PALM2AKAP2: variants seen among roughly 807,000 people sequenced by gnomAD.
PALM2AKAP2 encodes PALM2 and AKAP2 fusion.
In PALM2AKAP2, 37 loss-of-function variants were observed where a neutral mutation model predicts 71.5. The ratio of observed to expected loss-of-function variants is 0.52; its 90% CI spans 0.40 to 0.68. PALM2AKAP2 has a LOEUF of 0.68. Ranked by LOEUF, PALM2AKAP2 falls within the 30% of genes least tolerant of loss-of-function variation. The pLI is 0.00. For synonymous variants in PALM2AKAP2, 468 were observed against 478.8 expected, an observed-to-expected ratio of 0.98 and a Z score of 0.29; for missense variants, 1,224 against 1,191.8, an observed-to-expected ratio of 1.03 and a Z score of -0.40.
chr9:110,085,646 A>G (rs1262528206), intron 1 of PALM2AKAP2, among the ~76,000 whole-genome samples: 2 of 152,268 alleles, frequency 1.3e-5, no homozygotes, highest in Non-Finnish European at 2.9e-5. Flanking sequence ...AGTGCACAAA[A>G]TTTATATGAA....
rs971715133 is a variant in PALM2AKAP2 at position 109,749,316 on chromosome 9, C to T, written c.6-31172C>T. 3.3e-5 allele frequency among the ~76,000 whole-genome samples: 5 copies of T among 152,110 alleles called. No individual in the cohort carries two copies. In the South Asian group the frequency reaches 6.2e-4, roughly 19 times the overall value. On this transcript the variant is annotated intron_variant, in intron 1 of 6. Coordinates refer to the PALM2AKAP2 transcript ENST00000374531. ...GACTATTGAAATTAGTCACGCGCCC[C>T]ACCATATTAGAACCACTTTCCTGGG...
Position 109,845,073 on chromosome 9 carries a change from C to T in PALM2AKAP2, c.46-22418C>T, listed in dbSNP as rs932944889. 2.0e-5 allele frequency among the ~76,000 whole-genome samples: 3 copies of T among 152,150 alleles called. No homozygotes were observed. The East Asian group carries it at 5.8e-4, about 29-fold the overall frequency. ...AAATAACCAATTTACACCTTAAACA[C>T]TCTTCTCCAGTAAGGCCACTACAGC... is the stretch of plus-strand genomic sequence containing the variant. On this transcript the variant is annotated intron_variant, in intron 1 of 9. Coordinates refer to the PALM2AKAP2 transcript ENST00000302798.
chr9:110,170,727 T>A (rs897435817), exon 4 of PALM2AKAP2: 2 of 152,146 alleles, frequency 1.3e-5, no homozygotes, highest in African/African-American at 2.4e-5. Flanking sequence ...GAGACTAAAA[T>A]TCTCAGGAAA....
intron 6 of PALM2AKAP2, among the ~76,000 whole-genome samples, chr9:109,966,400 C>T (rs1831951633): frequency 1.3e-5 from 2 of 152,206 alleles, no homozygotes; most frequent in Admixed American, 1.3e-4. Context: ...ACCCTGGAGC[C>T]AGGTACCCTG....
At chr9:110,007,202 A>C (rs1258194317) in intron 6 of PALM2AKAP2, among the ~76,000 whole-genome samples, 1 of 152,216 alleles carries the variant, frequency 6.6e-6, no homozygotes, top group Non-Finnish European at 1.5e-5. Flanking sequence ...GGTCAAACTG[A>C]GGCCATCAGG....
intron 3 of PALM2AKAP2, among the ~76,000 whole-genome samples, chr9:109,888,893 T>C (rs994269809): frequency 6.6e-6 from 1 of 152,138 alleles, no homozygotes; most frequent in African/African-American, 2.4e-5. Flanking sequence ...CCTAGTGGCT[T>C]CCAGGGGCAC....
rs149583327 is a variant in PALM2AKAP2, at chr9:110,037,576, C to T, written c.582+21537C>T. Among the ~76,000 whole-genome samples the T allele has an allele frequency of 3.0e-3, 451 of 152,248 alleles. 4 individuals are homozygous for T. The highest frequency in any genetic ancestry group is 4.2e-3 in the Admixed American group (64 of 15,286). ...GGCATCTAGAAATTAACAAAAGAGA[C>T]CAGGTCTTGTACTTATGTAGATTAC... On this transcript the variant is annotated intron_variant, in intron 7 of 9. Transcript: ENST00000302798.
chr9:110,132,088 A>G (rs1230296728), intron 1 of PALM2AKAP2, among the ~76,000 whole-genome samples: 1 of 150,404 alleles, frequency 6.6e-6, no homozygotes, highest in African/African-American at 2.5e-5. Flanking sequence ...TTTCACTCTT[A>G]TTGACCAGGC....
At chr9:109,845,170 C>T (rs1367759205) in intron 1 of PALM2AKAP2, among the ~76,000 whole-genome samples, 1 of 152,220 alleles carries the variant, frequency 6.6e-6, no homozygotes. Context: ...AAAAGAGGCA[C>T]TGACCTGAAA....
chr9:109,923,663 G>A, intron 3 of PALM2AKAP2, 72 bp from the exon 4 acceptor site: 6 of 1,474,766 alleles, frequency 4.1e-6, no homozygotes, highest in Non-Finnish European at 5.4e-6. Flanking sequence ...CGCCCAACAG[G>A]AAGGAGCTGC....
intron 1 of PALM2AKAP2, among the ~76,000 whole-genome samples, chr9:109,698,259 G>T (rs1828001601): frequency 6.6e-6 from 1 of 150,416 alleles, no homozygotes; most frequent in Non-Finnish European, 1.5e-5. Flanking sequence ...CCCTTCACCT[G>T]CATGTGTGCT....
intron 1 of PALM2AKAP2, among the ~76,000 whole-genome samples, chr9:109,819,384 C>T (rs1174535283): frequency 4.6e-5 from 7 of 152,136 alleles, no homozygotes; most frequent in African/African-American, 9.7e-5. Flanking sequence ...AAATTGATTC[C>T]GGAAGGACTT....
intron 1 of PALM2AKAP2, among the ~76,000 whole-genome samples, chr9:109,790,543 A>G (rs989172295): frequency 6.6e-6 from 1 of 152,192 alleles, no homozygotes; most frequent in African/African-American, 2.4e-5. Flanking sequence ...CTTTGAGGCC[A>G]ATAAATACCA....
intron 6 of PALM2AKAP2, among the ~76,000 whole-genome samples, chr9:109,963,643 C>T (rs1357264227): frequency 1.3e-5 from 2 of 152,196 alleles, no homozygotes; most frequent in East Asian, 3.9e-4. Context: ...ACACTCTTTT[C>T]TAAGGGGTGA....
chr9:110,023,233 A>G (rs1170310145), intron 7 of PALM2AKAP2, among the ~76,000 whole-genome samples: 2 of 149,636 alleles, frequency 1.3e-5, no homozygotes, highest in East Asian at 4.0e-4. Context: ...CATCCTCTCC[A>G]GCACCTGTTT....
rs568677039 is a variant in PALM2AKAP2, at chr9:109,721,165, G to A, written c.6-59323G>A. On this transcript the variant is annotated intron_variant, in intron 1 of 6. Transcript: ENST00000374531. The stretch of plus-strand genomic sequence containing the variant: ...TGAATTACAGGATTCTAGCCAAAGT[G>A]TGCTCCCTAGAGGATTCCCAGCTAA... Among the ~76,000 whole-genome samples the A allele has an allele frequency of 6.4e-4, 98 of 152,296 alleles. 1 individual carries two copies. Among genetic ancestry groups the A allele is most frequent in the South Asian group, 6.0e-3 (29 of 4,830 alleles).
chr9:110,110,542 CTTTTTT>C (rs559402514), intron 1 of PALM2AKAP2, among the ~76,000 whole-genome samples: 6 of 95,336 alleles, frequency 6.3e-5, no homozygotes, highest in South Asian at 4.3e-4. Context: ...TTTCTGAACT[CTTTTTT>C]TTTTTTTTTT....
chr9:110,121,667 CTG>C (rs1835489822), intron 1 of PALM2AKAP2, among the ~76,000 whole-genome samples: 1 of 152,202 alleles, frequency 6.6e-6, no homozygotes, highest in African/African-American at 2.4e-5. Context: ...TGACTGGTGA[CTG>C]TCACAAATGG....
intron 1 of PALM2AKAP2, among the ~76,000 whole-genome samples, chr9:110,073,854 C>T (rs1334988084): frequency 6.6e-6 from 1 of 152,034 alleles, no homozygotes; most frequent in Non-Finnish European, 1.5e-5. Context: ...TTGATTGCTA[C>T]TTAGTATACC....
Sources: allele counts gnomAD v4.1 joint callset (sites outside exome capture counted in the v4.1 genomes callset), GRCh38; gene constraint gnomAD v4.1.1; transcripts MANE v1.5; gene names NCBI Gene and HGNC (gene_info 2026-07-23, HGNC 2026-07-21).